The following AP3B2 variants were observed in gnomAD, a reference collection of about 807,000 sequenced individuals.
AP3B2 encodes AP-3 complex subunit beta-2.
Under a neutral mutation model 126.9 loss-of-function variants are expected in AP3B2, and 50 were observed. The ratio of observed to expected loss-of-function variants is 0.39; its 90% CI spans 0.31 to 0.50. The LOEUF (loss-of-function observed/expected upper bound fraction) is 0.50, where lower values mean the gene tolerates loss of function less well. Among genes scored for constraint, AP3B2 ranks in the 20% least tolerant of loss-of-function variants. The probability of loss-of-function intolerance (pLI) is 0.79; values close to 1 mark genes in which losing one functional copy is unlikely to be tolerated. For synonymous variants in AP3B2, 541 were observed against 565.0 expected (o/e 0.96, Z 0.60); for missense variants, 1,177 against 1,426.4 (o/e 0.83, Z 2.82).
At chr15:82,670,018 A>AC (rs1384659909) in intron 14 of AP3B2, among the ~76,000 whole-genome samples, 2 of 145,636 alleles carry the variant, frequency 1.4e-5, no homozygotes, top group Non-Finnish European at 3.0e-5. Flanking sequence ...AAAAAAAAAA[A>AC]AAAAAACCCA....
rs60428596 is a variant in AP3B2, at chr15:82,665,376, AACACACACACACACAC to A, written c.1971+65_1972-74del. On this transcript the variant is annotated intron_variant, in intron 16 of 26. Transcript: ENST00000535359. The surrounding 1 kb of genome is among the most constrained non-coding windows in gnomAD (Gnocchi z 4.4). ...GGGCTCCCTACTGTCTGCCCCCACC[AACACACACACACACAC>A]ACACACACACACACACACACACACA... 2.5e-3 allele frequency: 3,200 copies of A among 1,257,428 alleles called. 45 individuals are homozygous for A. The African/African-American group carries it at 0.028, about 11-fold the overall frequency. The allele number at this position is 1,257,428 out of a possible 1,614,324, so 77.9% of individuals were successfully genotyped here.
rs2048324655 is a variant in AP3B2, at chr15:82,680,755, C to T, written c.772G>A (p.Glu258Lys). Residue 258 changes from glutamate (E) to lysine (K), a missense_variant and splice_region_variant, in exon 8 of 27, where the codon GAA becomes AAA. Glu to Lys is a moderately conservative substitution (Grantham distance 56). Around this residue, in one of 5 missense-constraint regions of AP3B2, gnomAD observed 103 missense variants for 101.4 expected, o/e 1.02. Coordinates refer to ENST00000535359, the MANE Select transcript of AP3B2 (RefSeq NM_001278512.2). The surrounding 1 kb of genome is among the most constrained non-coding windows in gnomAD (Gnocchi z 6.1). ...RTQFLSPTQN[E>K]SLLEENAEKA... is the part of the protein sequence containing the mutation. Reference sequence around the variant, plus strand: ...TCCGCGTTCTCCTCTAGTAGGGATTCCTGGACGGGGAGACCGACGGGTCTG... The same window carrying T: ...TCCGCGTTCTCCTCTAGTAGGGATTTCTGGACGGGGAGACCGACGGGTCTG... The T allele has an allele frequency of 4.4e-6, 7 of 1,589,792 alleles. No individual in the cohort carries two copies. The East Asian group carries it at 1.6e-4, about 36-fold the overall frequency.
rs1207066535 is a variant in AP3B2 at position 82,681,061 on chromosome 15, G to A, written c.589-42C>T. 5 of 1,613,354 alleles carry A rather than the reference G, an allele frequency of 3.1e-6. No homozygotes were observed. The South Asian group carries it at 5.5e-5, about 18-fold the overall frequency. Reference sequence around the variant, plus strand: ...GACGAGAGGGTGAACGCGAAGGGTGGAAGGCCGGCTGCCGGTCACCACCCC... The same window carrying A: ...GACGAGAGGGTGAACGCGAAGGGTGAAAGGCCGGCTGCCGGTCACCACCCC... On this transcript the variant is annotated intron_variant, in intron 6 of 26. Coordinates refer to ENST00000535359, the MANE Select transcript of AP3B2 (RefSeq NM_001278512.2). The surrounding 1 kb of genome is among the most constrained non-coding windows in gnomAD (Gnocchi z 4.0).
intron 1 of AP3B2, chr15:82,699,979 G>A (rs933233521): frequency 5.0e-6 from 2 of 398,326 alleles, no homozygotes; most frequent in African/African-American, 4.1e-5. Flanking sequence ...ACACTGGCAG[G>A]GAGGGATGCT....
intron 15 of AP3B2, among the ~76,000 whole-genome samples, 181 bp downstream of exon 15, chr15:82,666,566 T>C (rs1181477764): frequency 6.6e-6 from 1 of 152,076 alleles, no homozygotes; most frequent in Non-Finnish European, 1.5e-5. Flanking sequence ...TGGCAGTGGT[T>C]ATGGGAGGGT....
chr15:82,660,130 G>T, intron 25 of AP3B2, 147 bp from the exon 26 acceptor site: 2 of 1,081,230 alleles, frequency 1.8e-6, no homozygotes, highest in Non-Finnish European at 2.6e-6. Context: ...GTCTTGGGGA[G>T]AAGGTACTTC....
chr15:82,668,962 TAAAAA>T (rs939138369), intron 14 of AP3B2, among the ~76,000 whole-genome samples: 1 of 152,106 alleles, frequency 6.6e-6, no homozygotes, highest in African/African-American at 2.4e-5. Flanking sequence ...AACTGGCTGT[TAAAAA>T]AAATTGAAAT....
intron 9 of AP3B2, 91 bp from the exon 10 acceptor site, chr15:82,679,891 C>T (rs912707272): frequency 1.6e-6 from 2 of 1,242,846 alleles, no homozygotes; most frequent in Non-Finnish European, 2.3e-6. Flanking sequence ...ACCCAGCGCC[C>T]AGGATCCTTG....
chr15:82,680,751 G>A lies in AP3B2; in HGVS notation c.776C>T (p.Ser259Phe), dbSNP rs775612414. The A allele has an allele frequency of 6.3e-7, 1 of 1,588,410 alleles. No individual in the cohort carries two copies. The highest frequency in any genetic ancestry group is 8.6e-7 in the Non-Finnish European group (1 of 1,169,514). The change falls in exon 8 of 27, where the codon TCC becomes TTC. Residue 259 changes from serine (S) to phenylalanine (F), a missense_variant. Transcript: ENST00000535359. This position sits in a 1 kb window ranked among gnomAD's most constrained non-coding sequence, Gnocchi z 6.1. Reference sequence around the variant, plus strand: ...TTTTTCCGCGTTCTCCTCTAGTAGGGATTCCTGGACGGGGAGACCGACGGG... The same window carrying A: ...TTTTTCCGCGTTCTCCTCTAGTAGGAATTCCTGGACGGGGAGACCGACGGG... ...TQFLSPTQNE[S>F]LLEENAEKAF...
At chr15:82,662,647 C>G (rs2047972253) in intron 23 of AP3B2, 47 bp downstream of exon 23, 2 of 1,534,622 alleles carry the variant, frequency 1.3e-6, no homozygotes, top group African/African-American at 2.7e-5. Flanking sequence ...GAAAGACTGA[C>G]TCTGCCCAGG....
At chr15:82,688,547 C>A (rs1386819762) in intron 4 of AP3B2, 189 bp downstream of exon 4, 1 of 708,298 alleles carries the variant, frequency 1.4e-6, no homozygotes, top group Non-Finnish European at 2.6e-6. Flanking sequence ...CTCTTACGCC[C>A]CTTCTGAGCC....
chr15:82,674,019 C>T (rs994146551), intron 14 of AP3B2, among the ~76,000 whole-genome samples: 4 of 152,162 alleles, frequency 2.6e-5, no homozygotes, highest in African/African-American at 7.2e-5. Context: ...CATCCCCCGC[C>T]ACCTGCATGT....
At chr15:82,698,440 C>G (rs1039624409) in intron 1 of AP3B2, among the ~76,000 whole-genome samples, 1 of 151,686 alleles carries the variant, frequency 6.6e-6, no homozygotes, top group Non-Finnish European at 1.5e-5. Context: ...GACCTCTCCC[C>G]GCTCCCCCAC....
In AP3B2 at chr15:82,677,762, T is replaced by A. The variant is rs1356365569; in HGVS notation, c.1287A>T (p.Thr429=). 6.2e-7 allele frequency: 1 copy of A among 1,612,368 alleles called. No individual in the cohort carries two copies. The highest frequency in any genetic ancestry group is 8.5e-7 in the Non-Finnish European group (1 of 1,178,980). The stretch of plus-strand genomic sequence containing the variant: ...TTGCACAGCGTCCAATGGCCTGGAT[T>A]GTGGCTGCCACAAAGTCCTTGTCCA... ...RSMDKDFVAA[T]IQAIGRCATN... is the part of the protein sequence containing the mutation. Residue 429 remains threonine (T), a synonymous_variant, in exon 12 of 27, where the codon ACA becomes ACT. Coordinates refer to ENST00000535359, the MANE Select transcript of AP3B2 (RefSeq NM_001278512.2).
At chr15:82,708,350 G>A (rs1409760732) in intron 1 of AP3B2, among the ~76,000 whole-genome samples, 1 of 152,046 alleles carries the variant, frequency 6.6e-6, no homozygotes, top group African/African-American at 2.4e-5. Context: ...TGATTAAAAA[G>A]CTTTATTGTT....
intron 14 of AP3B2, 29 bp downstream of exon 14, chr15:82,676,432 T>C (rs376297817): frequency 4.3e-5 from 69 of 1,608,388 alleles, no homozygotes; most frequent in Non-Finnish European, 5.4e-5. Context: ...GGGACCAGAG[T>C]ATCTGGGGGG....
chr15:82,703,812 C>A (rs905448451), intron 1 of AP3B2, among the ~76,000 whole-genome samples: 1 of 152,068 alleles, frequency 6.6e-6, no homozygotes, highest in South Asian at 2.1e-4. Context: ...CCCCAAGCGT[C>A]GCTGCGTCTT....
At chr15:82,689,062 GC>G in intron 3 of AP3B2, 95 bp downstream of exon 3, 1 of 1,401,316 alleles carries the variant, frequency 7.1e-7, no homozygotes, top group Non-Finnish European at 1.0e-6. Context: ...AGCAGGTCGG[GC>G]CCCCAGGGGC....
intron 4 of AP3B2, among the ~76,000 whole-genome samples, chr15:82,682,572 T>C (rs2048358404): frequency 6.6e-6 from 1 of 152,100 alleles, no homozygotes; most frequent in Non-Finnish European, 1.5e-5. Context: ...TTTTGTTTCC[T>C]GGTGCATACA....
Sources: allele counts gnomAD v4.1 joint callset (sites outside exome capture counted in the v4.1 genomes callset), GRCh38; gene constraint gnomAD v4.1.1; regional missense constraint gnomAD v4.1.1; non-coding constraint Gnocchi (gnomAD v3.1); transcripts MANE v1.5; gene names NCBI Gene and HGNC (gene_info 2026-07-23, HGNC 2026-07-21).